Variants in SYNE1 observed in about 807,000 individuals in gnomAD.
SYNE1 encodes the protein spectrin repeat containing nuclear envelope protein 1.
In SYNE1, 616 loss-of-function variants were observed where a neutral mutation model predicts 1,111.0. The ratio of observed to expected loss-of-function variants is 0.55; its 90% CI spans 0.52 to 0.59. The LOEUF (loss-of-function observed/expected upper bound fraction) is 0.59. Ranked by LOEUF, SYNE1 falls within the 20% of genes least tolerant of loss-of-function variation. The probability of loss-of-function intolerance (pLI) is 0.00; values close to 1 mark genes in which losing one functional copy is unlikely to be tolerated. For missense variants in SYNE1, 10,006 were observed against 10,417.0 expected (o/e 0.96, Z 1.72); for synonymous variants, 3,855 against 3,825.8 (o/e 1.01, Z -0.28).
intron 135 of SYNE1, among the ~76,000 whole-genome samples, chr6:152,150,058 A>T (rs1041679814): frequency 6.6e-6 from 1 of 152,222 alleles, no homozygotes; most frequent in Non-Finnish European, 1.5e-5. Context: ...TTTTAAAGAA[A>T]TATCCCGATC....
intron 4 of SYNE1, among the ~76,000 whole-genome samples, chr6:152,531,867 G>A (rs930105445): frequency 6.6e-6 from 1 of 152,126 alleles, no homozygotes; most frequent in Non-Finnish European, 1.5e-5. Context: ...TCCATTGTAT[G>A]GATATACCAC....
intron 45 of SYNE1, among the ~76,000 whole-genome samples, chr6:152,406,025 C>T (rs73003033): frequency 9.0e-4 from 136 of 151,926 alleles, no homozygotes; most frequent in South Asian, 1.5e-3. Flanking sequence ...GCAAATCCCA[C>T]GAGGGTAGGA....
intron 129 of SYNE1, among the ~76,000 whole-genome samples, chr6:152,177,283 C>T (rs547603820): frequency 7.2e-5 from 11 of 152,172 alleles, no homozygotes; most frequent in East Asian, 1.9e-4. Context: ...GAGATAAGCA[C>T]GAAATGGTGT....
At chr6:152,296,351 C>T (rs2094880812) in intron 93 of SYNE1, among the ~76,000 whole-genome samples, 1 of 152,242 alleles carries the variant, frequency 6.6e-6, no homozygotes, top group South Asian at 2.1e-4. Context: ...TCCAGACTCA[C>T]ATATCCAGAT....
chr6:152,447,932 A>G (rs2098606475), intron 28 of SYNE1, among the ~76,000 whole-genome samples: 1 of 152,212 alleles, frequency 6.6e-6, no homozygotes. Flanking sequence ...AGACGCCACA[A>G]TTGGCAACTA....
chr6:152,166,654 G>A (rs1009094247), intron 130 of SYNE1, among the ~76,000 whole-genome samples: 2 of 152,218 alleles, frequency 1.3e-5, no homozygotes, highest in African/African-American at 4.8e-5. Context: ...ACATGGAAAT[G>A]TGTGTTCATA....
chr6:152,186,556 C>CAAAAAAAAAAAAAAAAAAAAAAAAAA (rs59187571), intron 128 of SYNE1, among the ~76,000 whole-genome samples: 6 of 38,028 alleles, frequency 1.6e-4, no homozygotes, highest in African/African-American at 6.5e-4. Flanking sequence ...AGCTCTGTGT[C>CAAAAAAAAAAAAAAAAAAAAAAAAAA]AAAAAAAAAA....
intron 140 of SYNE1, among the ~76,000 whole-genome samples, chr6:152,138,345 T>C (rs1303202296): frequency 1.3e-5 from 2 of 151,940 alleles, no homozygotes; most frequent in East Asian, 3.9e-4. Flanking sequence ...ACCCTGTCTC[T>C]ACTAAAAATA....
At chr6:152,324,106 G>A (rs2095971731) in intron 81 of SYNE1, among the ~76,000 whole-genome samples, 1 of 152,138 alleles carries the variant, frequency 6.6e-6, no homozygotes, top group Non-Finnish European at 1.5e-5. Flanking sequence ...CTTTAAAGAT[G>A]GAAAAAGCTG....
chr6:152,573,240 G>T (rs2099474907), intron 3 of SYNE1, among the ~76,000 whole-genome samples: 1 of 151,520 alleles, frequency 6.6e-6, no homozygotes, highest in East Asian at 1.9e-4. Flanking sequence ...GTGCAGGTTT[G>T]TTACATATGT....
rs753512972 is a variant in SYNE1, at chr6:152,381,110, G to C, written c.8905C>G (p.Leu2969Val). 1.9e-5 allele frequency: 30 copies of C among 1,614,078 alleles called. No individual in the cohort carries two copies. In the Admixed American group the frequency reaches 5.0e-4, roughly 27 times the overall value. Residue 2969 changes from leucine (L) to valine (V), a missense_variant, in exon 56 of 146, where the codon CTG becomes GTG. Leu to Val is a conservative substitution (Grantham distance 32). Around this residue, in one of 7 missense-constraint regions of SYNE1, gnomAD observed 4,955 missense variants for 5,017.2 expected, o/e 0.99. Transcript: ENST00000367255. The part of the protein sequence containing the change: ...SGQVAQLEQA[L>V]EQFSALLKTW... Reference sequence around the variant, plus strand: ...TTCAGAAGGGCACTGAACTGTTCCAGGGCCTGCTCCAGTTGAGCCACTTGG... The same window carrying C: ...TTCAGAAGGGCACTGAACTGTTCCACGGCCTGCTCCAGTTGAGCCACTTGG...
rs769917836 is a variant in SYNE1 at position 152,428,331 on chromosome 6, C to T, written c.4850G>A (p.Arg1617Lys). ...ACAGGAATCTCTGTTCACAACCTTC[C>T]TGGCACTGGCTGAGAAGGCAGTGAT... ...SAITAFSASA[R>K]KVVNRDSCVQ... Residue 1617 changes from arginine to lysine, a missense_variant, in exon 37 of 146, where the codon AGG becomes AAG. By Grantham distance (26) the Arg-to-Lys change is conservative (BLOSUM62 2). Transcript: ENST00000367255. 4 of 1,614,134 alleles carry T rather than the reference C, an allele frequency of 2.5e-6. No individual in the cohort carries two copies. Among genetic ancestry groups the T allele is most frequent in the Admixed American group, 3.3e-5 (2 of 60,030 alleles).
intron 4 of SYNE1, among the ~76,000 whole-genome samples, chr6:152,531,402 T>C (rs1258265327): frequency 3.3e-5 from 5 of 152,156 alleles, no homozygotes; most frequent in African/African-American, 1.2e-4. Flanking sequence ...TTCTAGTGGA[T>C]AGTGATCAGG....
intron 8 of SYNE1, among the ~76,000 whole-genome samples, chr6:152,506,973 C>G (rs185131618): frequency 6.6e-6 from 1 of 152,240 alleles, no homozygotes; most frequent in Non-Finnish European, 1.5e-5. Context: ...CATCATTGAG[C>G]TTGATCATTG....
intron 48 of SYNE1, 51 bp downstream of exon 48, chr6:152,399,565 G>A: frequency 1.9e-6 from 3 of 1,602,448 alleles, no homozygotes; most frequent in Non-Finnish European, 2.6e-6. Flanking sequence ...CATTTGGTTT[G>A]GATTCTTTCT....
intron 2 of SYNE1, among the ~76,000 whole-genome samples, chr6:152,630,992 C>T (rs1207335573): frequency 6.6e-6 from 1 of 152,182 alleles, no homozygotes; most frequent in Non-Finnish European, 1.5e-5. Context: ...CTAACACATT[C>T]AGAGTGCCAG....
Position 152,442,246 on chromosome 6 carries a change from C to T in SYNE1, c.3838-1G>A. ...TTGCTGAGATCCGCTTTGTCTTTTG[C>T]TAGAAGCATTTATTCAACAGATGGA... On this transcript the variant is annotated splice_acceptor_variant, in intron 30 of 145. Coordinates refer to ENST00000367255, the MANE Select transcript of SYNE1 (RefSeq NM_182961.4). LOFTEE classifies it high-confidence loss of function. 1 of 1,612,406 alleles carries T rather than the reference C, an allele frequency of 6.2e-7. No individual in the cohort carries two copies. Among genetic ancestry groups the T allele is most frequent in the East Asian group, 2.2e-5 (1 of 44,896 alleles).
intron 14 of SYNE1, among the ~76,000 whole-genome samples, chr6:152,480,951 A>G (rs1219999446): frequency 6.6e-6 from 1 of 152,096 alleles, no homozygotes; most frequent in East Asian, 1.9e-4. Context: ...GGGGGTTGGC[A>G]CAGGGTGTCT....
rs573038145 is a variant in SYNE1 at position 152,206,276 on chromosome 6, A to G, written c.22911T>C (p.Ser7637=). Residue 7637 remains serine, a synonymous_variant, in exon 126 of 146, where the codon AGT becomes AGC. Transcript: ENST00000367255. ...CGGCCTGCAAGGCGGCCTCAGCGCC[A>G]CTGTCCGCCGAGAGAAGGAGTTGCT... ...AGKQLLLSAD[S]GAEAALQAEL... 6.2e-6 allele frequency: 10 copies of G among 1,613,946 alleles called. No homozygotes were observed. The Admixed American group carries it at 6.7e-5, about 11-fold the overall frequency.
Sources: gnomAD v4.1 joint callset for allele counts (sites outside exome capture counted in the v4.1 genomes callset) on GRCh38, gnomAD v4.1.1 for gene constraint, gnomAD v4.1.1 regional missense constraint, MANE v1.5 for transcripts, NCBI Gene and HGNC (gene_info 2026-07-23, HGNC 2026-07-21) for gene names.